PCTP: variants seen among roughly 807,000 people sequenced by gnomAD.
PCTP encodes phosphatidylcholine transfer protein.
A neutral mutation model predicts 31.0 loss-of-function variants in PCTP; 27 were observed. That is an observed-to-expected ratio of 0.87 (90% CI 0.64 to 1.20). PCTP has a LOEUF of 1.20. Among genes scored for constraint, PCTP ranks in the 50% most tolerant of loss-of-function variants. PCTP has a pLI of 0.00. For synonymous variants in PCTP, 108 were observed against 101.2 expected (o/e 1.07, Z -0.40); for missense variants, 287 against 268.2 (o/e 1.07, Z -0.49).
rs1405398544 is a variant in PCTP, at chr17:55,792,182, G to A, written c.317+4528G>A. Among the ~76,000 whole-genome samples, 18 of 147,362 alleles carry A rather than the reference G, an allele frequency of 1.2e-4. 1 individual carries two copies. The highest frequency in any genetic ancestry group is 2.3e-4 in the African/African-American group (9 of 39,618). On this transcript the variant is annotated intron_variant, in intron 3 of 3. Coordinates refer to the PCTP transcript ENST00000572536. ...GGGGTGGGGGGAGGGGGGAGGGTTA[G>A]CATTGGGAGATATACCTAATGCTAG...
chr17:55,831,249 A>G (rs1905586586), intron 5 of PCTP, among the ~76,000 whole-genome samples: 1 of 152,194 alleles, frequency 6.6e-6, no homozygotes, highest in Non-Finnish European at 1.5e-5. Flanking sequence ...ACTCCAGGGT[A>G]TAATTATCCT....
intron 2 of PCTP, chr17:55,769,080 C>G (rs1910842905): frequency 1.3e-5 from 2 of 152,228 alleles, no homozygotes; most frequent in Admixed American, 1.3e-4. Flanking sequence ...CATCTGTAGA[C>G]TCTGTTTTCT....
chr17:55,846,977 A>G (rs2145100571), downstream of PCTP, among the ~76,000 whole-genome samples: 1 of 152,316 alleles, frequency 6.6e-6, no homozygotes, highest in East Asian at 1.9e-4. Context: ...TCCATAGGGC[A>G]GGAATTTTGT....
intron 1 of PCTP, chr17:55,751,480 C>G (rs1909709893): frequency 1.3e-6 from 2 of 1,529,186 alleles, no homozygotes; most frequent in African/African-American, 1.4e-5. Flanking sequence ...AGCCTCAGGT[C>G]AGGCCCGACG....
intron 3 of PCTP, among the ~76,000 whole-genome samples, chr17:55,788,776 C>A (rs1045415181): frequency 6.6e-6 from 1 of 152,062 alleles, no homozygotes; most frequent in African/African-American, 2.4e-5. Context: ...CTAAAATGTT[C>A]GGGGGAAATT....
intron 3 of PCTP, among the ~76,000 whole-genome samples, chr17:55,805,800 T>G (rs959422867): frequency 6.6e-6 from 1 of 152,024 alleles, no homozygotes; most frequent in South Asian, 2.1e-4. Flanking sequence ...CTATTAAATC[T>G]TTTGGAAGAG....
intron 3 of PCTP, among the ~76,000 whole-genome samples, chr17:55,808,816 C>T (rs970212031): frequency 3.9e-5 from 6 of 152,218 alleles, no homozygotes; most frequent in African/African-American, 1.4e-4. Flanking sequence ...CCAAAGCTAA[C>T]ACTTCCTCAA....
chr17:55,824,734 A>T (rs1230906041), downstream of PCTP, among the ~76,000 whole-genome samples: 3 of 152,202 alleles, frequency 2.0e-5, no homozygotes, highest in Non-Finnish European at 4.4e-5. Flanking sequence ...CTTTGGGCCC[A>T]GGAATGGCCT....
chr17:55,751,551 G>A (rs1909714427), intron 1 of PCTP: 2 of 1,400,406 alleles, frequency 1.4e-6, no homozygotes, highest in Non-Finnish European at 1.9e-6. Flanking sequence ...CTAGGCCCGT[G>A]CACACGTCTG....
At chr17:55,791,996 G>A (rs1216133181) in intron 3 of PCTP, among the ~76,000 whole-genome samples, 1 of 151,520 alleles carries the variant, frequency 6.6e-6, no homozygotes, top group Non-Finnish European at 1.5e-5. Flanking sequence ...ATGAGTTCAT[G>A]TCCTTTGTAG....
chr17:55,756,793 T>C (rs1910051313), intron 1 of PCTP, among the ~76,000 whole-genome samples: 1 of 152,064 alleles, frequency 6.6e-6, no homozygotes, highest in South Asian at 2.1e-4. Flanking sequence ...ATGAACATGC[T>C]GGCTTTTAAG....
At chr17:55,770,601 C>G (rs949892923) in intron 2 of PCTP, 1 of 152,304 alleles carries the variant, frequency 6.6e-6, no homozygotes, top group Non-Finnish European at 1.5e-5. Flanking sequence ...GTTTTTCTAT[C>G]CACTAGACTC....
chr17:55,754,933 G>T (rs1447137916), intron 1 of PCTP, among the ~76,000 whole-genome samples: 2 of 152,062 alleles, frequency 1.3e-5, no homozygotes, highest in East Asian at 3.9e-4. Flanking sequence ...CCACACATAT[G>T]TATACACACA....
At chr17:55,766,784 G>T (rs896404098) in intron 1 of PCTP, among the ~76,000 whole-genome samples, 2 of 151,938 alleles carry the variant, frequency 1.3e-5, no homozygotes, top group Admixed American at 6.6e-5. Flanking sequence ...CCCAGTAATG[G>T]GATGGCTGGG....
At chr17:55,808,430 C>G (rs1912644015) in intron 3 of PCTP, among the ~76,000 whole-genome samples, 1 of 152,214 alleles carries the variant, frequency 6.6e-6, no homozygotes, top group Non-Finnish European at 1.5e-5. Context: ...CATGTTGGCT[C>G]AGTCTTTGCT....
At position 55,819,027 on chromosome 17, in the gene PCTP, A is replaced by G. The variant is rs1913025270; in HGVS notation, c.318-3734A>G. Among the ~76,000 whole-genome samples, 3 of 150,918 alleles carry G rather than the reference A, an allele frequency of 2.0e-5. No individual in the cohort carries two copies. The South Asian group carries it at 6.2e-4, about 31-fold the overall frequency. On this transcript the variant is annotated intron_variant, in intron 3 of 3. Coordinates refer to the PCTP transcript ENST00000572536. ...AAAGAAATCAAAAAAAAAAAAAAAA[A>G]AAAAAAAAAAGAAAAGGAAAGAAGA...
chr17:55,785,494 TA>T (rs1911714311), intron 2 of PCTP, among the ~76,000 whole-genome samples: 1 of 152,242 alleles, frequency 6.6e-6, no homozygotes, highest in Non-Finnish European at 1.5e-5. Flanking sequence ...TTTAAGCCAG[TA>T]AGATCTATGT....
intron 5 of PCTP, among the ~76,000 whole-genome samples, chr17:55,829,762 C>T (rs1190666936): frequency 6.6e-6 from 1 of 151,908 alleles, no homozygotes; most frequent in Non-Finnish European, 1.5e-5. Flanking sequence ...GTTTGAGGTG[C>T]TGTTGTCACT....
chr17:55,844,214 T>C (rs1418867824), downstream of PCTP, among the ~76,000 whole-genome samples: 2 of 152,218 alleles, frequency 1.3e-5, no homozygotes, highest in Non-Finnish European at 2.9e-5. Context: ...ATGGACCAGC[T>C]AACAACTCTA....
Sources: allele counts gnomAD v4.1 joint callset (sites outside exome capture counted in the v4.1 genomes callset), GRCh38; gene constraint gnomAD v4.1.1; transcripts MANE v1.5; gene names NCBI Gene and HGNC (gene_info 2026-07-23, HGNC 2026-07-21).